SPTBN1: variants seen among roughly 807,000 people sequenced by gnomAD.
The protein encoded by SPTBN1 is spectrin beta chain, non-erythrocytic 1.
A neutral mutation model predicts 266.4 loss-of-function variants in SPTBN1; 32 were observed. The ratio of observed to expected loss-of-function variants is 0.12; its 90% confidence interval spans 0.09 to 0.16. SPTBN1 has a LOEUF of 0.16. SPTBN1 is among the 10% of genes least tolerant of loss of function. SPTBN1 has a pLI of 1.00. For synonymous variants in SPTBN1, 1,336 were observed against 1,162.2 expected, an observed-to-expected ratio of 1.15 and a Z score of -3.04; for missense variants, 2,296 against 3,067.1, an observed-to-expected ratio of 0.75 and a Z score of 5.94.
chr2:54,491,336 C>T (rs1668673330), intron 1 of SPTBN1, among the ~76,000 whole-genome samples: 1 of 152,084 alleles, frequency 6.6e-6, no homozygotes, highest in South Asian at 2.1e-4. Flanking sequence ...TCTCTTTCGA[C>T]CATTCTACAC....
At chr2:54,654,510 T>C (rs1469305170) in intron 27 of SPTBN1, among the ~76,000 whole-genome samples, 1 of 152,216 alleles carries the variant, frequency 6.6e-6, no homozygotes, top group Non-Finnish European at 1.5e-5. Context: ...TTTTATGATA[T>C]ATATTTTTTT....
intron 1 of SPTBN1, among the ~76,000 whole-genome samples, chr2:54,481,153 A>G (rs1358498428): frequency 6.6e-6 from 1 of 152,040 alleles, no homozygotes; most frequent in African/African-American, 2.4e-5. Context: ...AGTAATAATG[A>G]TGATGATGAT....
chr2:54,661,011 T>A, intron 32 of SPTBN1: 2 of 985,440 alleles, frequency 2.0e-6, no homozygotes, highest in Non-Finnish European at 2.4e-6. Context: ...TACTTGAACG[T>A]TGCACTTGGT....
intron 2 of SPTBN1, among the ~76,000 whole-genome samples, chr2:54,594,822 C>A (rs1675945031): frequency 9.2e-6 from 1 of 108,710 alleles, no homozygotes; most frequent in East Asian, 2.3e-4. Flanking sequence ...CCATGACCCT[C>A]TGGTAAGTTT....
rs1680568696 is a variant in SPTBN1, at chr2:54,655,195, A to C, written c.5948A>C (p.Tyr1983Ser). 6 of 1,614,004 alleles carry C rather than the reference A, an allele frequency of 3.7e-6. No individual in the cohort carries two copies. Among genetic ancestry groups the C allele is most frequent in the Non-Finnish European group, 5.1e-6 (6 of 1,179,968 alleles). Residue 1983 changes from tyrosine to serine, a missense_variant, in exon 28 of 36, where the codon TAT (tyrosine) becomes TCT (serine). By Grantham distance (144) the Tyr-to-Ser change is moderately radical. This residue lies in a region of SPTBN1 where 644 missense variants were observed against 745.3 expected (regional missense o/e 0.86). Coordinates refer to ENST00000356805, the MANE Select transcript of SPTBN1 (RefSeq NM_003128.3). ...AAATCCCTGTTGGCGAGAAAACACT[A>C]TGCATCTGAGGAGGTAGGTTGCTAC... ...LGKSLLARKH[Y>S]ASEEIKEKLL...
At chr2:54,483,732 G>T (rs1246887437) in intron 1 of SPTBN1, among the ~76,000 whole-genome samples, 2 of 152,246 alleles carry the variant, frequency 1.3e-5, no homozygotes, top group Non-Finnish European at 2.9e-5. Flanking sequence ...TTAGGGGTGT[G>T]ACCCCCAGTG....
chr2:54,495,947 C>T (rs1452043298), intron 1 of SPTBN1, among the ~76,000 whole-genome samples: 1 of 151,872 alleles, frequency 6.6e-6, no homozygotes, highest in East Asian at 1.9e-4. Flanking sequence ...AGAAAAATAG[C>T]CTTGGTCTAG....
chr2:54,558,910 G>A lies in SPTBN1; in HGVS notation c.148+32344G>A. The A allele has an allele frequency of 6.2e-7, 1 of 1,609,480 alleles. No homozygotes were observed. The highest frequency in any genetic ancestry group is 8.5e-7 in the Non-Finnish European group (1 of 1,177,626). On this transcript the variant is annotated intron_variant, in intron 2 of 35. Transcript: ENST00000356805. This position sits in a 1 kb window ranked among gnomAD's most constrained non-coding sequence, Gnocchi z 4.6. ...AAGGTAAGCCCCCTCCCAAAGGCCG[G>A]GCCTGTCCTGGGTGCCAACGGGGGT...
At chr2:54,510,429 C>T (rs904626249) in intron 1 of SPTBN1, among the ~76,000 whole-genome samples, 2 of 152,176 alleles carry the variant, frequency 1.3e-5, no homozygotes, top group Non-Finnish European at 2.9e-5. Context: ...CACTCAGGCA[C>T]CACTAAAAAT....
rs1345312255 is a variant in SPTBN1, at chr2:54,626,076, A to G, written c.1486A>G (p.Ile496Val). The G allele has an allele frequency of 6.2e-7, 1 of 1,614,150 alleles. No individual in the cohort carries two copies. The highest frequency in any genetic ancestry group is 1.1e-5 in the South Asian group (1 of 91,066). ...RELEAENYHDIKRITARKDNV... is the reference protein window; with the variant it reads ...RELEAENYHDVKRITARKDNV... ...GCTCGAGGCCGAGAATTACCACGAC[A>G]TCAAGCGCATCACAGCGAGGAAGGA... Residue 496 changes from isoleucine to valine, a missense_variant, in exon 12 of 36, where the codon ATC (isoleucine) becomes GTC (valine). By Grantham distance (29) the Ile-to-Val change is conservative. Around this residue, in one of 12 missense-constraint regions of SPTBN1, gnomAD observed 434 missense variants for 573.9 expected, o/e 0.76. Coordinates refer to ENST00000356805, the MANE Select transcript of SPTBN1 (RefSeq NM_003128.3). This position sits in a 1 kb window ranked among gnomAD's most constrained non-coding sequence, Gnocchi z 4.7.
At chr2:54,651,543 C>T (rs1680289701) in intron 26 of SPTBN1, among the ~76,000 whole-genome samples, 1 of 152,232 alleles carries the variant, frequency 6.6e-6, no homozygotes, top group Non-Finnish European at 1.5e-5. Context: ...TGAAGTGCCA[C>T]TGTCTCCATT....
intron 17 of SPTBN1, 65 bp from the exon 18 acceptor site, chr2:54,637,648 G>A: frequency 1.6e-6 from 2 of 1,263,996 alleles, no homozygotes; most frequent in South Asian, 2.5e-5. Flanking sequence ...AAATTGATTT[G>A]TATTCTGTAT....
intron 2 of SPTBN1, among the ~76,000 whole-genome samples, chr2:54,537,020 A>T (rs1339709980): frequency 6.6e-6 from 1 of 152,218 alleles, no homozygotes; most frequent in Non-Finnish European, 1.5e-5. Context: ...GTGACAGAAC[A>T]AGACCCTGTC....
intron 2 of SPTBN1, among the ~76,000 whole-genome samples, chr2:54,548,459 C>G (rs1056474948): frequency 1.3e-5 from 2 of 152,166 alleles, no homozygotes; most frequent in Non-Finnish European, 2.9e-5. Flanking sequence ...TCAGGACAGG[C>G]CTTTTGGCTC....
At chr2:54,652,192 A>G (rs979112081) in intron 26 of SPTBN1, among the ~76,000 whole-genome samples, 1 of 152,194 alleles carries the variant, frequency 6.6e-6, no homozygotes, top group Non-Finnish European at 1.5e-5. Context: ...CAAGTATGGC[A>G]CTACTGATGT....
intron 33 of SPTBN1, among the ~76,000 whole-genome samples, chr2:54,665,299 T>G (rs1236448203): frequency 6.6e-6 from 1 of 152,214 alleles, no homozygotes; most frequent in Non-Finnish European, 1.5e-5. Context: ...ATCTAAGAAC[T>G]GCCATTCACG....
intron 2 of SPTBN1, among the ~76,000 whole-genome samples, chr2:54,587,380 C>T (rs779409015): frequency 2.4e-4 from 37 of 152,202 alleles, no homozygotes; most frequent in Non-Finnish European, 4.6e-4. Flanking sequence ...CTTGAGTGTG[C>T]CTGTTACGGT....
chr2:54,633,269 G>C (rs1398438136), intron 17 of SPTBN1, among the ~76,000 whole-genome samples: 1 of 152,190 alleles, frequency 6.6e-6, no homozygotes, highest in Admixed American at 6.5e-5. Context: ...TAGAAAATTG[G>C]CTTGGATAGT....
At chr2:54,624,625 TGA>T (rs1446551527) in intron 10 of SPTBN1, among the ~76,000 whole-genome samples, 177 bp from the exon 11 acceptor site, 12 of 152,220 alleles carry the variant, frequency 7.9e-5, no homozygotes, top group Admixed American at 5.9e-4. Flanking sequence ...GAGGATACAC[TGA>T]GAGAAAAACC....
Sources: allele counts gnomAD v4.1 joint callset (sites outside exome capture counted in the v4.1 genomes callset), GRCh38; gene constraint gnomAD v4.1.1; regional missense constraint gnomAD v4.1.1; non-coding constraint Gnocchi (gnomAD v3.1); transcripts MANE v1.5; gene names NCBI Gene and HGNC (gene_info 2026-07-23, HGNC 2026-07-21).